Variants in ARHGAP15 observed in about 807,000 individuals in gnomAD.
The protein encoded by ARHGAP15 is Rho GTPase activating protein 15.
In ARHGAP15, 51 loss-of-function variants were observed where a neutral mutation model predicts 63.7. The observed-to-expected ratio is 0.80, with a 90% CI of 0.64 to 1.01. The LOEUF is 1.01. Among genes scored for constraint, ARHGAP15 ranks in the 50% least tolerant of loss-of-function variants. The pLI, the probability that ARHGAP15 is intolerant of heterozygous loss-of-function variation, is 0.00. For missense variants in ARHGAP15, 560 were observed against 564.6 expected (o/e 0.99, Z 0.08); for synonymous variants, 191 against 193.8 (o/e 0.99, Z 0.12).
chr2:143,273,095 TTTAAATAAA>T (rs1439955313), intron 6 of ARHGAP15, among the ~76,000 whole-genome samples: 2 of 152,136 alleles, frequency 1.3e-5, no homozygotes, highest in Non-Finnish European at 2.9e-5. Context: ...ATTAGATTAG[TTTAAATAAA>T]TTATTTATAC....
chr2:143,336,034 C>T (rs902108777), intron 6 of ARHGAP15, among the ~76,000 whole-genome samples: 1 of 151,898 alleles, frequency 6.6e-6, no homozygotes. Flanking sequence ...CGGTTCTCAC[C>T]ATGTCACCCA....
At chr2:143,763,765 AATAT>A (rs1686855254) in intron 13 of ARHGAP15, among the ~76,000 whole-genome samples, 1 of 147,034 alleles carries the variant, frequency 6.8e-6, no homozygotes, top group Admixed American at 6.8e-5. Context: ...TATGTATATA[AATAT>A]ATTTATATAC....
At chr2:143,165,403 T>A (rs1334892999) in intron 2 of ARHGAP15, among the ~76,000 whole-genome samples, 1 of 152,104 alleles carries the variant, frequency 6.6e-6, no homozygotes, top group African/African-American at 2.4e-5. Context: ...ATATTTCCAA[T>A]GAGAAGGGAC....
At chr2:143,717,506 T>A (rs1385362546) in intron 13 of ARHGAP15, among the ~76,000 whole-genome samples, 1 of 152,228 alleles carries the variant, frequency 6.6e-6, no homozygotes, top group South Asian at 2.1e-4. Flanking sequence ...TGAACCCAAA[T>A]GAAAACCTCA....
chr2:143,339,941 A>C (rs929635183), intron 6 of ARHGAP15, among the ~76,000 whole-genome samples: 2 of 152,190 alleles, frequency 1.3e-5, no homozygotes, highest in African/African-American at 4.8e-5. Context: ...TAAATCAATA[A>C]GGACCTTCTT....
chr2:143,372,672 A>C (rs192212251), intron 6 of ARHGAP15, among the ~76,000 whole-genome samples: 1 of 152,188 alleles, frequency 6.6e-6, no homozygotes, highest in Non-Finnish European at 1.5e-5. Context: ...AAAGATATGG[A>C]TACTTGCCTT....
At chr2:143,566,781 TG>T (rs974627004) in intron 11 of ARHGAP15, among the ~76,000 whole-genome samples, 13 of 152,096 alleles carry the variant, frequency 8.5e-5, no homozygotes, top group African/African-American at 3.1e-4. Flanking sequence ...AGCCCTTTCC[TG>T]AATAATTCGT....
intron 13 of ARHGAP15, among the ~76,000 whole-genome samples, chr2:143,721,824 C>G (rs1245205866): frequency 2.6e-5 from 4 of 151,998 alleles, no homozygotes; most frequent in Non-Finnish European, 5.9e-5. Flanking sequence ...GTAGCTGGAA[C>G]TACAGGCGCC....
intron 10 of ARHGAP15, among the ~76,000 whole-genome samples, chr2:143,535,087 T>G (rs1468030253): frequency 2.0e-5 from 3 of 152,142 alleles, no homozygotes; most frequent in African/African-American, 7.2e-5. Flanking sequence ...TAATCAAGCT[T>G]AAAAATGTGC....
In ARHGAP15 at chr2:143,155,675, T is replaced by A; in HGVS notation, c.165+20T>A. ...GAACCTGTAAGTCAAATACCCCAAA[T>A]ATCCCAAGTTCCTTGTCATACAGAA... On this transcript the variant is annotated intron_variant, in intron 2 of 13. Transcript: ENST00000295095. 6.5e-7 allele frequency: 1 copy of A among 1,527,346 alleles called. No individual in the cohort carries two copies. The highest frequency in any genetic ancestry group is 8.8e-7 in the Non-Finnish European group (1 of 1,142,072). 94.6% of individuals were successfully genotyped at this position (1,527,346 alleles called of 1,614,324 possible). A position where few individuals can be genotyped will look rare whatever the true frequency, so the allele number is the denominator to read the frequency against.
chr2:143,653,713 T>A (rs1167990802), intron 12 of ARHGAP15, among the ~76,000 whole-genome samples: 1 of 152,164 alleles, frequency 6.6e-6, no homozygotes, highest in African/African-American at 2.4e-5. Flanking sequence ...CCCCCCATAC[T>A]GGGTCGGCAT....
At chr2:143,763,934 G>A (rs1686863862) in intron 13 of ARHGAP15, among the ~76,000 whole-genome samples, 1 of 150,708 alleles carries the variant, frequency 6.6e-6, no homozygotes, top group South Asian at 2.1e-4. Context: ...GTTACTACAA[G>A]TAACTTGATT....
chr2:143,736,874 C>T (rs1258672788), intron 13 of ARHGAP15, among the ~76,000 whole-genome samples: 5 of 152,236 alleles, frequency 3.3e-5, no homozygotes, highest in African/African-American at 1.2e-4. Flanking sequence ...TTGGAAAAGG[C>T]CTTGAGAGTT....
chr2:143,737,944 G>A (rs1050323523), intron 13 of ARHGAP15, among the ~76,000 whole-genome samples: 26 of 152,064 alleles, frequency 1.7e-4, no homozygotes, highest in Middle Eastern at 3.4e-3. Flanking sequence ...TTTTAATAGA[G>A]CCGGGGTTTC....
At chr2:143,573,673 C>G (rs1696552844) in intron 11 of ARHGAP15, among the ~76,000 whole-genome samples, 1 of 152,110 alleles carries the variant, frequency 6.6e-6, no homozygotes, top group Admixed American at 6.6e-5. Context: ...GGCACAAACC[C>G]CTTTCTGTTT....
intron 6 of ARHGAP15, among the ~76,000 whole-genome samples, chr2:143,253,507 T>A (rs1054703850): frequency 2.4e-4 from 37 of 152,102 alleles, no homozygotes; most frequent in Non-Finnish European, 8.8e-5. Flanking sequence ...GATTGCTATG[T>A]GGAAACATAA....
intron 2 of ARHGAP15, among the ~76,000 whole-genome samples, chr2:143,194,457 A>G (rs187491072): frequency 1.9e-4 from 29 of 152,334 alleles, no homozygotes; most frequent in Admixed American, 1.2e-3. Flanking sequence ...TAGATCTAAT[A>G]CCATTAGTAA....
chr2:143,525,866 A>C (rs1023535566), intron 10 of ARHGAP15, among the ~76,000 whole-genome samples: 6 of 152,192 alleles, frequency 3.9e-5, no homozygotes, highest in Admixed American at 6.5e-5. Context: ...AGAGATGACA[A>C]GGTGGAGAGG....
At chr2:143,497,475 T>C (rs1692866595) in intron 9 of ARHGAP15, among the ~76,000 whole-genome samples, 1 of 152,188 alleles carries the variant, frequency 6.6e-6, no homozygotes, top group Non-Finnish European at 1.5e-5. Context: ...GCATTTATTA[T>C]TGATACCCTG....
Sources: allele counts gnomAD v4.1 joint callset (sites outside exome capture counted in the v4.1 genomes callset), GRCh38; gene constraint gnomAD v4.1.1; transcripts MANE v1.5; gene names NCBI Gene and HGNC (gene_info 2026-07-23, HGNC 2026-07-21).